The following CEP131 variants were observed in gnomAD, a reference collection of about 807,000 sequenced individuals.
CEP131 encodes centrosomal protein 131, also known as centrosomal protein of 131 kDa.
Under a neutral mutation model 136.8 loss-of-function variants are expected in CEP131, and 99 were observed. The ratio of observed to expected loss-of-function variants is 0.72; its 90% CI spans 0.62 to 0.86. The LOEUF (loss-of-function observed/expected upper bound fraction) is 0.86, where lower values mean the gene tolerates loss of function less well. Ranked by LOEUF, CEP131 falls within the 40% of genes least tolerant of loss-of-function variation. The probability of loss-of-function intolerance (pLI) is 0.00; values close to 1 mark genes in which losing one functional copy is unlikely to be tolerated. For missense variants in CEP131, 1,459 were observed against 1,463.0 expected, an observed-to-expected ratio of 1.00 and a Z score of 0.04; for synonymous variants, 646 against 612.7, an observed-to-expected ratio of 1.05 and a Z score of -0.80.
chr17:81,205,397 G>A (rs1395038211), intron 5 of CEP131, among the ~76,000 whole-genome samples: 5 of 107,956 alleles, frequency 4.6e-5, no homozygotes, highest in African/African-American at 1.6e-4. Flanking sequence ...GAGGGGCAGC[G>A]GGGCAGTGGG....
In CEP131 at chr17:81,201,058, T is replaced by A. The variant is rs75058047; in HGVS notation, c.789-612A>T. Among the ~76,000 whole-genome samples the A allele has an allele frequency of 5.2e-3, 784 of 152,166 alleles. 6 individuals are homozygous for A. The highest frequency in any genetic ancestry group is 0.018 in the African/African-American group (745 of 41,490). ...TGGGCACCTTCTATTGTATACAAAT[T>A]ATACTAAGTAAAACTGATTAAGCAA... On this transcript the variant is annotated intron_variant, in intron 7 of 25. Coordinates refer to ENST00000450824, the MANE Select transcript of CEP131 (RefSeq NM_014984.4).
intron 2 of CEP131, among the ~76,000 whole-genome samples, chr17:81,217,714 T>C (rs988023141): frequency 9.9e-5 from 15 of 152,048 alleles, no homozygotes; most frequent in African/African-American, 3.1e-4. Flanking sequence ...AGCTGGAACA[T>C]TCCATGAACG....
chr17:81,189,944 C>T lies in CEP131; in HGVS notation c.3139G>A (p.Ala1047Thr). 6.2e-7 allele frequency: 1 copy of T among 1,611,326 alleles called. No homozygotes were observed. The highest frequency in any genetic ancestry group is 8.5e-7 in the Non-Finnish European group (1 of 1,178,622). Residue 1047 changes from alanine (A) to threonine (T), a missense_variant, in exon 25 of 26, where the codon GCC becomes ACC. Physicochemically the swap from Ala to Thr is moderately conservative, Grantham distance 58 (BLOSUM62 0). Around this residue, in one of 3 missense-constraint regions of CEP131, gnomAD observed 1,026 missense variants for 964.2 expected, o/e 1.06. Transcript: ENST00000450824. Reference protein sequence around the residue: ...VKTALARKEEAVSSLRTQHEA... With the variant: ...VKTALARKEETVSSLRTQHEA... ...TGTTGTGTCCGGAGGCTGCTCACGG[C>T]CTCCTCCTTCCTCGCGAGGGCTGTC...
At chr17:81,199,635 C>G in intron 9 of CEP131, 84 bp downstream of exon 9, 7 of 1,595,646 alleles carry the variant, frequency 4.4e-6, no homozygotes, top group Non-Finnish European at 6.0e-6. Context: ...CTAAGTGTCC[C>G]GGGGCCCAGG....
chr17:81,207,085 T>A (rs909689851), intron 4 of CEP131, 40 bp downstream of exon 4: 5 of 1,584,108 alleles, frequency 3.2e-6, no homozygotes, highest in African/African-American at 1.4e-5. Flanking sequence ...CACAATCCCA[T>A]CACAGAGACC....
At chr17:81,206,625 C>G in intron 5 of CEP131, 119 bp downstream of exon 5, 1 of 1,355,218 alleles carries the variant, frequency 7.4e-7, no homozygotes, top group Non-Finnish European at 1.0e-6. Context: ...TTCACTCACT[C>G]ACTCATTCAT....
At chr17:81,213,491 G>A (rs1209431951) in intron 2 of CEP131, among the ~76,000 whole-genome samples, 2 of 151,954 alleles carry the variant, frequency 1.3e-5, no homozygotes, top group South Asian at 2.1e-4. Context: ...CCCGGGAGGC[G>A]GAGATTGCAG....
intron 5 of CEP131, 77 bp downstream of exon 5, chr17:81,206,667 C>A (rs1046241168): frequency 6.6e-7 from 1 of 1,511,518 alleles, no homozygotes; most frequent in African/African-American, 1.4e-5. Flanking sequence ...GAGCCATAAA[C>A]AAGACAAAGA....
Position 81,196,232 on chromosome 17 carries a change from G to A in CEP131, c.1900-281C>T, listed in dbSNP as rs545558815. 2.9e-4 allele frequency among the ~76,000 whole-genome samples: 44 copies of A among 152,236 alleles called. 1 individual carries two copies. The highest frequency in any genetic ancestry group is 2.0e-4 in the Admixed American group (3 of 15,290). On this transcript the variant is annotated intron_variant, in intron 15 of 25. Transcript: ENST00000450824. ...AGTGATGTCAGGGTCTTCCTGGGATGAGGGTAGCTCTGCCGAGGCCATCAC... is the reference window on the plus strand; with the variant it reads ...AGTGATGTCAGGGTCTTCCTGGGATAAGGGTAGCTCTGCCGAGGCCATCAC...
chr17:81,214,624 CTT>C (rs975243373), intron 2 of CEP131, among the ~76,000 whole-genome samples: 6 of 152,002 alleles, frequency 3.9e-5, no homozygotes, highest in Non-Finnish European at 2.9e-5. Flanking sequence ...AGTCAGATAT[CTT>C]TTGTTACATA....
At chr17:81,197,380 A>ACGGGTGG (rs3063385) in intron 13 of CEP131, 224,838 of 510,772 alleles carry the variant, frequency 0.44, 53,366 homozygotes, top group African/African-American at 0.64. Flanking sequence ...GGACAAACCA[A>ACGGGTGG]CCCAGAGGAC....
rs760994502 is a variant in CEP131, at chr17:81,192,410, G to A, written c.2548-18C>T. 3.7e-6 allele frequency: 6 copies of A among 1,611,266 alleles called. No individual in the cohort carries two copies. In the South Asian group the frequency reaches 5.5e-5, roughly 15 times the overall value. ...AGCTCCATCTGGGGGGCGGACATAA[G>A]AGGCCAGTCAGTCCCACCCCGTGCA... On this transcript the variant is annotated intron_variant, in intron 20 of 25. Coordinates refer to ENST00000450824, the MANE Select transcript of CEP131 (RefSeq NM_014984.4).
chr17:81,222,552 C>T (rs1025207463), intron 1 of CEP131, among the ~76,000 whole-genome samples: 34 of 152,178 alleles, frequency 2.2e-4, no homozygotes, highest in Admixed American at 7.2e-4. Context: ...CCTGCGCGGG[C>T]CCCGGACCTC....
intron 4 of CEP131, 119 bp downstream of exon 4, chr17:81,207,006 G>T (rs1267226572): frequency 1.3e-6 from 2 of 1,517,550 alleles, no homozygotes; most frequent in Non-Finnish European, 1.8e-6. Flanking sequence ...TGCCATGTCA[G>T]ATCTAAGCTT....
rs200097860 is a variant in CEP131 at position 81,191,343 on chromosome 17, G to C, written c.2623-8C>G. ...GTTCAGCAGCCACGCCTCCTGGGGG[G>C]ACATGCGCTGCCTGGGGGTTGCCAC... On this transcript the variant is annotated splice_polypyrimidine_tract_variant and splice_region_variant and intron_variant, in intron 21 of 25. Coordinates refer to ENST00000450824, the MANE Select transcript of CEP131 (RefSeq NM_014984.4). 61 of 1,612,452 alleles carry C rather than the reference G, an allele frequency of 3.8e-5. No individual in the cohort carries two copies. The highest frequency in any genetic ancestry group is 4.5e-5 in the Non-Finnish European group (53 of 1,179,606).
At chr17:81,206,675 A>G in intron 5 of CEP131, 69 bp downstream of exon 5, 1 of 1,523,020 alleles carries the variant, frequency 6.6e-7, no homozygotes, top group Non-Finnish European at 8.8e-7. Flanking sequence ...AACAAGACAA[A>G]GACACACACA....
intron 2 of CEP131, among the ~76,000 whole-genome samples, chr17:81,209,551 CAG>C (rs149372639): frequency 0.014 from 2,135 of 149,732 alleles, 73 homozygotes; most frequent in African/African-American, 0.052. Context: ...GGCTGCGCAG[CAG>C]ACACTAAGCA....
intron 24 of CEP131, among the ~76,000 whole-genome samples, 180 bp from the exon 25 acceptor site, chr17:81,190,155 C>G (rs1246318935): frequency 1.3e-5 from 2 of 152,180 alleles, no homozygotes; most frequent in Non-Finnish European, 2.9e-5. Flanking sequence ...GAGTCAGGAC[C>G]CAACACAGGC....
In CEP131 at chr17:81,203,550, G is replaced by T. The variant is rs1256313313; in HGVS notation, c.573C>A (p.Thr191=). Residue 191 remains threonine (T), a synonymous_variant, in exon 6 of 26, where the codon ACC becomes ACA. Coordinates refer to ENST00000450824, the MANE Select transcript of CEP131 (RefSeq NM_014984.4). The surrounding 1 kb of genome is among the most constrained non-coding windows in gnomAD (Gnocchi z 4.6). ...TGAGCGGAGGCGCCCTCTCCGAGGG[G>T]GTGTAGCGGTTGTGCACCATGGTGG... ...CVTTMVHNRY[T]PSERAPPLKS... 24 of 1,608,694 alleles carry T rather than the reference G, an allele frequency of 1.5e-5. No individual in the cohort carries two copies. Among genetic ancestry groups the T allele is most frequent in the Non-Finnish European group, 1.8e-5 (21 of 1,178,288 alleles).
Sources: gnomAD v4.1 joint callset for allele counts (sites outside exome capture counted in the v4.1 genomes callset) on GRCh38, gnomAD v4.1.1 for gene constraint, gnomAD v4.1.1 regional missense constraint, Gnocchi (gnomAD v3.1) non-coding constraint, MANE v1.5 for transcripts, NCBI Gene and HGNC (gene_info 2026-07-23, HGNC 2026-07-21) for gene names.